PDSS2: variants seen among roughly 807,000 people sequenced by gnomAD.
PDSS2 encodes the protein decaprenyl diphosphate synthase subunit 2.
In PDSS2, 31 loss-of-function variants were observed where a neutral mutation model predicts 44.5. The ratio of observed to expected loss-of-function variants is 0.70; its 90% CI spans 0.52 to 0.94. PDSS2 has a LOEUF of 0.94. Among genes scored for constraint, PDSS2 ranks in the 40% least tolerant of loss-of-function variants. The probability of loss-of-function intolerance (pLI) is 0.00; values close to 1 mark genes in which losing one functional copy is unlikely to be tolerated. For synonymous variants in PDSS2, 157 were observed against 180.3 expected, an observed-to-expected ratio of 0.87 and a Z score of 1.03; for missense variants, 452 against 482.2, an observed-to-expected ratio of 0.94 and a Z score of 0.59.
At chr6:107,434,314 T>C (rs998288270) in intron 1 of PDSS2, among the ~76,000 whole-genome samples, 10 of 152,266 alleles carry the variant, frequency 6.6e-5, no homozygotes, top group African/African-American at 2.4e-4. Context: ...CCATGTTTAC[T>C]GCAGCACTGT....
At chr6:107,396,795 C>T (rs1779963016) in intron 1 of PDSS2, among the ~76,000 whole-genome samples, 1 of 146,970 alleles carries the variant, frequency 6.8e-6, no homozygotes, top group Admixed American at 7.0e-5. Context: ...CTCAAGGAAT[C>T]CTCCCACCTC....
At chr6:107,180,948 G>A (rs750026013) in intron 7 of PDSS2, among the ~76,000 whole-genome samples, 2 of 152,206 alleles carry the variant, frequency 1.3e-5, no homozygotes, top group Non-Finnish European at 2.9e-5. Flanking sequence ...GGATTCAAGC[G>A]ATTCTCCTGC....
At chr6:107,309,838 T>A (rs1255404436) in intron 2 of PDSS2, among the ~76,000 whole-genome samples, 1 of 152,230 alleles carries the variant, frequency 6.6e-6, no homozygotes, top group Non-Finnish European at 1.5e-5. Context: ...TTTCTTCATA[T>A]AATATTTTAC....
intron 3 of PDSS2, among the ~76,000 whole-genome samples, chr6:107,262,052 G>A (rs1325325943): frequency 2.0e-5 from 3 of 151,540 alleles, no homozygotes; most frequent in Admixed American, 2.0e-4. Flanking sequence ...GGGACTACAG[G>A]CGCCCGCCAC....
rs571354289 is a variant in PDSS2, at chr6:107,448,876, G to T, written c.296+10114C>A. 2.6e-5 allele frequency among the ~76,000 whole-genome samples: 4 copies of T among 152,316 alleles called. No homozygotes were observed. The South Asian group carries it at 8.3e-4, about 32-fold the overall frequency. On this transcript the variant is annotated intron_variant, in intron 1 of 7. Transcript: ENST00000369037. ...CCAGGAGAGAGAATGAGTGCCAGCA[G>T]GGGAAATGTGAGATGCTTATAAAAC...
intron 1 of PDSS2, among the ~76,000 whole-genome samples, chr6:107,363,063 T>G (rs886775357): frequency 6.6e-6 from 1 of 152,058 alleles, no homozygotes; most frequent in Non-Finnish European, 1.5e-5. Context: ...AATAAAGGTG[T>G]CATTAAGAGT....
intron 7 of PDSS2, among the ~76,000 whole-genome samples, chr6:107,163,979 T>G (rs1198419842): frequency 6.6e-6 from 1 of 152,030 alleles, no homozygotes; most frequent in Admixed American, 6.6e-5. Context: ...GCCGTAAGAC[T>G]CATGTGGGGA....
intron 4 of PDSS2, among the ~76,000 whole-genome samples, chr6:107,224,099 C>T (rs1286534133): frequency 6.6e-6 from 1 of 151,156 alleles, no homozygotes; most frequent in African/African-American, 2.5e-5. Flanking sequence ...CGAAACCATC[C>T]CCATGCATTG....
intron 1 of PDSS2, among the ~76,000 whole-genome samples, chr6:107,363,702 TTC>T (rs1405743775): frequency 6.6e-6 from 1 of 152,216 alleles, no homozygotes. Context: ...CCTGCTTTTA[TTC>T]TCTTATCTGG....
intron 7 of PDSS2, among the ~76,000 whole-genome samples, chr6:107,177,383 C>T (rs1057386975): frequency 2.0e-5 from 3 of 152,100 alleles, no homozygotes; most frequent in African/African-American, 7.2e-5. Flanking sequence ...GTGATCCGCC[C>T]GCCTTGGCTT....
intron 3 of PDSS2, among the ~76,000 whole-genome samples, chr6:107,267,149 AGT>A (rs1775435549): frequency 6.6e-6 from 1 of 152,222 alleles, no homozygotes; most frequent in Non-Finnish European, 1.5e-5. Flanking sequence ...AAAGGCAACG[AGT>A]CTTGGTTTTC....
At chr6:107,205,206 G>A (rs1019792222) in intron 6 of PDSS2, among the ~76,000 whole-genome samples, 2 of 152,196 alleles carry the variant, frequency 1.3e-5, no homozygotes, top group Non-Finnish European at 2.9e-5. Context: ...AGGGACAAGC[G>A]AGTTACAGCT....
At chr6:107,396,674 T>TC (rs1554275999) in intron 1 of PDSS2, among the ~76,000 whole-genome samples, 1 of 114,288 alleles carries the variant, frequency 8.7e-6, no homozygotes, top group Non-Finnish European at 1.9e-5. Flanking sequence ...TCCTCTTCTT[T>TC]TTTCTTTTTT....
intron 1 of PDSS2, among the ~76,000 whole-genome samples, chr6:107,455,735 A>G (rs1782017011): frequency 7.9e-6 from 1 of 126,772 alleles, no homozygotes; most frequent in African/African-American, 3.0e-5. Context: ...CAGCCTGGCG[A>G]TAGAGCGAGA....
intron 1 of PDSS2, among the ~76,000 whole-genome samples, chr6:107,450,561 G>A (rs1236539828): frequency 6.6e-6 from 1 of 152,124 alleles, no homozygotes; most frequent in African/African-American, 2.4e-5. Context: ...CTAAAGAAAG[G>A]ATCTTTCCTC....
At chr6:107,364,663 A>G (rs1778907928) in intron 1 of PDSS2, among the ~76,000 whole-genome samples, 1 of 152,126 alleles carries the variant, frequency 6.6e-6, no homozygotes, top group African/African-American at 2.4e-5. Context: ...AGTGGGCTCC[A>G]GCCTTGGCCA....
intron 1 of PDSS2, among the ~76,000 whole-genome samples, chr6:107,450,959 T>C (rs555253074): frequency 5.3e-5 from 8 of 152,294 alleles, no homozygotes; most frequent in African/African-American, 1.9e-4. Flanking sequence ...ACCTCCCAAG[T>C]AGCTGGGACC....
At chr6:107,333,169 C>T (rs2500575) in intron 2 of PDSS2, among the ~76,000 whole-genome samples, 103,629 of 152,102 alleles carry the variant, frequency 0.68, 38,031 homozygotes, top group Non-Finnish European at 0.81. Flanking sequence ...AATGCTTCTT[C>T]TTGTGAGGAA....
chr6:107,351,526 C>A (rs1007331338), intron 1 of PDSS2, among the ~76,000 whole-genome samples: 22 of 152,092 alleles, frequency 1.4e-4, no homozygotes, highest in Admixed American at 1.4e-3. Flanking sequence ...TTCAAATATT[C>A]TTTACTTAAA....
Sources: gnomAD v4.1 joint callset for allele counts (sites outside exome capture counted in the v4.1 genomes callset) on GRCh38, gnomAD v4.1.1 for gene constraint, MANE v1.5 for transcripts, NCBI Gene and HGNC (gene_info 2026-07-23, HGNC 2026-07-21) for gene names.